The following MYL3 variants were observed in gnomAD, a reference collection of about 807,000 sequenced individuals.
MYL3 encodes CMLC1.
Under a neutral mutation model 21.3 loss-of-function variants are expected in MYL3, and 11 were observed. The observed-to-expected ratio is 0.52, with a 90% confidence interval of 0.32 to 0.85. The LOEUF (loss-of-function observed/expected upper bound fraction) is 0.85, where lower values mean the gene tolerates loss of function less well. Among genes scored for constraint, MYL3 ranks in the 40% least tolerant of loss-of-function variants. The probability of loss-of-function intolerance (pLI) is 0.03; values close to 1 mark genes in which losing one functional copy is unlikely to be tolerated. For missense variants in MYL3, 206 were observed against 253.3 expected (o/e 0.81, Z 1.27); for synonymous variants, 88 against 91.6 (o/e 0.96, Z 0.22).
Position 46,859,430 on chromosome 3 carries a change from G to A in MYL3, c.481+45C>T, listed in dbSNP as rs1159673074. ...GGGGCAACAGAGTGGTTTCTCCCAGGATGTCCCTGGAAGGAGTTGGGGTAG... is the reference window on the plus strand; with the variant it reads ...GGGGCAACAGAGTGGTTTCTCCCAGAATGTCCCTGGAAGGAGTTGGGGTAG... On this transcript the variant is annotated intron_variant, in intron 4 of 6. Coordinates refer to ENST00000292327, the MANE Select transcript of MYL3 (RefSeq NM_000258.3). The surrounding 1 kb of genome is among the most constrained non-coding windows in gnomAD (Gnocchi z 4.1). 6.2e-6 allele frequency: 10 copies of A among 1,612,634 alleles called. No individual in the cohort carries two copies. Among genetic ancestry groups the A allele is most frequent in the Non-Finnish European group, 8.5e-6 (10 of 1,179,444 alleles).
chr3:46,872,477 C>T (rs1350979976), intron 1 of MYL3, among the ~76,000 whole-genome samples: 2 of 149,002 alleles, frequency 1.3e-5, no homozygotes, highest in Non-Finnish European at 3.0e-5. Context: ...CCAGCATGCT[C>T]GTGGCCCCTG....
In MYL3 at chr3:46,863,300, G is replaced by C. The variant is rs377026344; in HGVS notation, c.91C>G (p.Arg31Gly). 1 of 1,614,094 alleles carries C rather than the reference G, an allele frequency of 6.2e-7. No individual in the cohort carries two copies. Among genetic ancestry groups the C allele is most frequent in the Non-Finnish European group, 8.5e-7 (1 of 1,180,028 alleles). ...PAPAPPPEPE[R>G]PKEVEFDASK... ...GCATCAAACTCGACCTCCTTAGGGCGCTCAGGCTCAGGGGGAGGTGCGGGA... is the reference window on the plus strand; with the variant it reads ...GCATCAAACTCGACCTCCTTAGGGCCCTCAGGCTCAGGGGGAGGTGCGGGA... The change falls in exon 1 of 7, where the codon CGC becomes GGC. Residue 31 changes from arginine to glycine, a missense_variant. Coordinates refer to ENST00000292327, the MANE Select transcript of MYL3 (RefSeq NM_000258.3).
chr3:46,869,480 C>T (rs553714678), intron 1 of MYL3, among the ~76,000 whole-genome samples: 3 of 152,192 alleles, frequency 2.0e-5, no homozygotes, highest in Non-Finnish European at 4.4e-5. Context: ...CTCCATTTCC[C>T]CAAGGTTTCC....
Position 46,857,954 on chromosome 3 carries a change from G to A in MYL3, c.*161C>T, listed in dbSNP as rs1455852581. ...TGTCACAGGTAAGCACAGCCTGAGA[G>A]GGGCCAGAGACGGCAACCACGTGGA... On this transcript the variant is annotated 3_prime_UTR_variant, in exon 7 of 7. Transcript: ENST00000292327. This position sits in a 1 kb window ranked among gnomAD's most constrained non-coding sequence, Gnocchi z 5.0. The A allele has an allele frequency of 3.8e-6, 2 of 532,120 alleles. No homozygotes were observed. Among genetic ancestry groups the A allele is most frequent in the Non-Finnish European group, 6.8e-6 (2 of 293,182 alleles). 33.0% of individuals were successfully genotyped at this position (532,120 alleles called of 1,614,324 possible).
rs1034295388 is a variant in MYL3, at chr3:46,857,886, A to G, written c.*229T>C. The G allele has an allele frequency of 5.5e-6, 2 of 364,386 alleles. No homozygotes were observed. Among genetic ancestry groups the G allele is most frequent in the Non-Finnish European group, 1.0e-5 (2 of 197,608 alleles). The allele number at this position is 364,386 out of a possible 1,614,324, so 22.6% of individuals were successfully genotyped here. On this transcript the variant is annotated 3_prime_UTR_variant, in exon 7 of 7. Transcript: ENST00000292327. The surrounding 1 kb of genome is among the most constrained non-coding windows in gnomAD (Gnocchi z 5.0). ...TAAGTCAGAAAGGAAGGCCGGCAAG[A>G]AGCCATTTATTCATGAGGCCCATGG...
chr3:46,872,447 C>G (rs1409187261), intron 1 of MYL3, among the ~76,000 whole-genome samples: 2 of 152,036 alleles, frequency 1.3e-5, no homozygotes, highest in African/African-American at 4.8e-5. Context: ...CCAAGACCCC[C>G]CCCCTCAGCC....
At chr3:46,869,098 C>T (rs1702077882) in intron 1 of MYL3, among the ~76,000 whole-genome samples, 1 of 152,200 alleles carries the variant, frequency 6.6e-6, no homozygotes, top group Non-Finnish European at 1.5e-5. Context: ...GCTGGTCCAG[C>T]TTCCGGACAG....
At position 46,861,740 on chromosome 3, in the gene MYL3, C is replaced by T. The variant is rs977991282; in HGVS notation, c.130-753G>A. 6.6e-6 allele frequency among the ~76,000 whole-genome samples: 1 copy of T among 152,160 alleles called. No homozygotes were observed. The highest frequency in any genetic ancestry group is 1.5e-5 in the Non-Finnish European group (1 of 68,022). The stretch of plus-strand genomic sequence containing the variant: ...GCCTCCCGGGATCCAGTGTCCCCCT[C>T]CTCACCGGATACCAGGTCTATTTTT... On this transcript the variant is annotated intron_variant, in intron 1 of 6. Transcript: ENST00000292327. This position sits in a 1 kb window ranked among gnomAD's most constrained non-coding sequence, Gnocchi z 4.2.
chr3:46,880,699 C>T (rs1208210875), intron 1 of MYL3, among the ~76,000 whole-genome samples: 1 of 152,086 alleles, frequency 6.6e-6, no homozygotes, highest in African/African-American at 2.4e-5. Context: ...TGGACTCCAG[C>T]CTGGGTGACA....
chr3:46,873,546 T>C (rs527845921), intron 1 of MYL3, among the ~76,000 whole-genome samples: 2 of 152,264 alleles, frequency 1.3e-5, no homozygotes, highest in East Asian at 1.9e-4. Flanking sequence ...GAAAAATTGA[T>C]GTGGGGCCGC....
In MYL3 at chr3:46,859,879, A is replaced by T. The variant is rs1252046722; in HGVS notation, c.308-231T>A. On this transcript the variant is annotated intron_variant, in intron 3 of 6. Coordinates refer to ENST00000292327, the MANE Select transcript of MYL3 (RefSeq NM_000258.3). The surrounding 1 kb of genome is among the most constrained non-coding windows in gnomAD (Gnocchi z 4.1). ...TTCCATAGCCCTTTGCTATTCACAA[A>T]GGGAGTTTGCTGCCCTGAGCCACCA... 6.6e-6 allele frequency among the ~76,000 whole-genome samples: 1 copy of T among 152,178 alleles called. No homozygotes were observed. The highest frequency in any genetic ancestry group is 1.5e-5 in the Non-Finnish European group (1 of 68,020).
At chr3:46,873,341 A>G (rs996922113) in intron 1 of MYL3, among the ~76,000 whole-genome samples, 27 of 152,224 alleles carry the variant, frequency 1.8e-4, no homozygotes, top group African/African-American at 6.3e-4. Flanking sequence ...GGCTCCCCCA[A>G]ACTCTTGAGT....
chr3:46,861,062 C>T lies in MYL3; in HGVS notation c.130-75G>A. 1 of 1,546,502 alleles carries T rather than the reference C, an allele frequency of 6.5e-7. No homozygotes were observed. The highest frequency in any genetic ancestry group is 8.9e-7 in the Non-Finnish European group (1 of 1,120,388). On this transcript the variant is annotated intron_variant, in intron 1 of 6. Coordinates refer to ENST00000292327, the MANE Select transcript of MYL3 (RefSeq NM_000258.3). The surrounding 1 kb of genome is among the most constrained non-coding windows in gnomAD (Gnocchi z 4.2). ...ACACCTCCTCCTGGGCACTCGGTGGCCAGCCCAGAATGTCAACTGTCTCAG... is the reference window on the plus strand; with the variant it reads ...ACACCTCCTCCTGGGCACTCGGTGGTCAGCCCAGAATGTCAACTGTCTCAG...
intron 1 of MYL3, among the ~76,000 whole-genome samples, chr3:46,869,385 G>A (rs549659777): frequency 1.6e-4 from 25 of 152,294 alleles, no homozygotes; most frequent in African/African-American, 6.0e-4. Context: ...GCCGGCCTTG[G>A]AGGAGACTGC....
Position 46,858,389 on chromosome 3 carries a change from T to G in MYL3, c.554A>C (p.Tyr185Ser). The change falls in exon 5 of 7, where the codon TAT (tyrosine) becomes TCT (serine). Residue 185 changes from tyrosine (Y) to serine (S), a missense_variant. Physicochemically the swap from Tyr to Ser is moderately radical, Grantham distance 144. Transcript: ENST00000292327. ...CCTGCCCCTGCTGAGCCCACCTTCA[T>G]AGTTGATGCAGCCATTGGAGTCCTC... ...GQEDSNGCIN[Y>S]EAFVKHIMSS 6.2e-7 allele frequency: 1 copy of G among 1,614,102 alleles called. No homozygotes were observed. The highest frequency in any genetic ancestry group is 8.5e-7 in the Non-Finnish European group (1 of 1,180,018).
Position 46,879,680 on chromosome 3 carries a change from A to T in MYL3, c.-218+2394T>A, listed in dbSNP as rs1343014588. On this transcript the variant is annotated intron_variant, in intron 1 of 3. Transcript: ENST00000431168. The surrounding 1 kb of genome is among the most constrained non-coding windows in gnomAD (Gnocchi z 4.7). ...GAGGATTGCTTGAGCCCAGGAGGTC[A>T]AGGCTGCTGTGAGCCATGACCGTGC... Among the ~76,000 whole-genome samples, 1 of 152,180 alleles carries T rather than the reference A, an allele frequency of 6.6e-6. No individual in the cohort carries two copies. The highest frequency in any genetic ancestry group is 2.4e-5 in the African/African-American group (1 of 41,448).
rs763675765 is a variant in MYL3, at chr3:46,859,548, C to A, written c.408G>T (p.Gly136=). The change falls in exon 4 of 7, where the codon GGG becomes GGT. Residue 136 remains glycine (G), a synonymous_variant. Transcript: ENST00000292327. The surrounding 1 kb of genome is among the most constrained non-coding windows in gnomAD (Gnocchi z 4.1). ...DTGTYEDFVE[G]LRVFDKEGNG... ...TGCCCTCCTTGTCGAAGACCCGCAG[C>A]CCCTCCACGAAGTCCTCATAGGTGC... 6.2e-7 allele frequency: 1 copy of A among 1,614,208 alleles called. No individual in the cohort carries two copies. Among genetic ancestry groups the A allele is most frequent in the South Asian group, 1.1e-5 (1 of 91,084 alleles).
upstream of MYL3, among the ~76,000 whole-genome samples, chr3:46,867,739 G>T (rs187581069): frequency 1.1e-3 from 172 of 152,230 alleles, 1 homozygote; most frequent in African/African-American, 4.0e-3. Context: ...TCGAGAACAC[G>T]GCCTGGGCCA....
chr3:46,866,770 G>C (rs899871511), upstream of MYL3, among the ~76,000 whole-genome samples: 1 of 152,178 alleles, frequency 6.6e-6, no homozygotes, highest in African/African-American at 2.4e-5. Flanking sequence ...TGGCGGTGCA[G>C]AGGGCACTCT....
Sources: allele counts gnomAD v4.1 joint callset (sites outside exome capture counted in the v4.1 genomes callset), GRCh38; gene constraint gnomAD v4.1.1; non-coding constraint Gnocchi (gnomAD v3.1); transcripts MANE v1.5; gene names NCBI Gene and HGNC (gene_info 2026-07-23, HGNC 2026-07-21).